The following AP3B1 variants were observed in gnomAD, a reference collection of about 807,000 sequenced individuals.
The protein encoded by AP3B1 is adaptor related protein complex 3 subunit beta 1.
Under a neutral mutation model 132.5 loss-of-function variants are expected in AP3B1, and 61 were observed. That is an observed-to-expected ratio of 0.46 (90% confidence interval 0.37 to 0.57). The LOEUF (loss-of-function observed/expected upper bound fraction) is 0.57, where lower values mean the gene tolerates loss of function less well. Among genes scored for constraint, AP3B1 ranks in the 20% least tolerant of loss-of-function variants. The pLI, the probability that AP3B1 is intolerant of heterozygous loss-of-function variation, is 0.00. For missense variants in AP3B1, 1,120 were observed against 1,289.4 expected (o/e 0.87, Z 2.01); for synonymous variants, 388 against 438.3 (o/e 0.89, Z 1.43).
At chr5:78,019,943 G>A (rs1747021349) in intron 25 of AP3B1, among the ~76,000 whole-genome samples, 1 of 151,970 alleles carries the variant, frequency 6.6e-6, no homozygotes, top group African/African-American at 2.4e-5. Flanking sequence ...AAAAACTGCT[G>A]ACTATAGCAT....
chr5:78,176,300 G>T (rs1429819081), intron 9 of AP3B1, among the ~76,000 whole-genome samples: 2 of 151,148 alleles, frequency 1.3e-5, no homozygotes, highest in African/African-American at 4.9e-5. Context: ...TCATGTGAAA[G>T]ACCAATTCCA....
intron 22 of AP3B1, among the ~76,000 whole-genome samples, chr5:78,065,247 C>T (rs1292471397): frequency 1.3e-5 from 2 of 152,200 alleles, no homozygotes; most frequent in Admixed American, 6.5e-5. Context: ...GTCCCAAGCA[C>T]AGCTGTGCAG....
chr5:78,144,902 T>A (rs985173950), intron 14 of AP3B1, among the ~76,000 whole-genome samples: 10 of 152,020 alleles, frequency 6.6e-5, no homozygotes, highest in African/African-American at 1.9e-4. Flanking sequence ...GGTGCAATCA[T>A]TGCTCACTAC....
intron 22 of AP3B1, among the ~76,000 whole-genome samples, chr5:78,054,745 G>A (rs1162857283): frequency 6.6e-6 from 1 of 152,156 alleles, no homozygotes; most frequent in African/African-American, 2.4e-5. Context: ...GATTCCCCTT[G>A]ATGAAGGATG....
At chr5:78,034,466 G>A (rs777067185) in intron 23 of AP3B1, 21 bp from the exon 24 acceptor site, 22 of 1,562,692 alleles carry the variant, frequency 1.4e-5, no homozygotes, top group Non-Finnish European at 1.9e-5. Context: ...AGATAATTTA[G>A]ACATGAAAAC....
In AP3B1 at chr5:78,175,692, C is replaced by CCTT; in HGVS notation, c.1100_1101insAAG (p.Met367delinsIleArg). ...AGAAACTCTTCAGATAAGGTTCAAACATCCCCTGGATTACAAAAATAAATA... is the reference window on the plus strand; with the variant it reads ...AGAAACTCTTCAGATAAGGTTCAAACCTTATCCCCTGGATTACAAAAATAAATA... On this transcript the variant is annotated protein_altering_variant, in exon 11 of 27. Transcript: ENST00000255194. The CCTT allele has an allele frequency of 6.2e-7, 1 of 1,613,300 alleles. No homozygotes were observed. The highest frequency in any genetic ancestry group is 8.5e-7 in the Non-Finnish European group (1 of 1,179,428).
rs927625694 is a variant in AP3B1 at position 78,232,084 on chromosome 5, C to T, written c.280-3845G>A. Among the ~76,000 whole-genome samples, 12 of 152,156 alleles carry T rather than the reference C, an allele frequency of 7.9e-5. No individual in the cohort carries two copies. The East Asian group carries it at 1.5e-3, about 20-fold the overall frequency. The stretch of plus-strand genomic sequence containing the variant: ...AAAGGAATATTAATTACTTTGGGGT[C>T]AGATAAAACAATAAAGATATTTCAC... On this transcript the variant is annotated intron_variant, in intron 3 of 26. Transcript: ENST00000255194.
chr5:78,269,999 G>A (rs988989579), intron 1 of AP3B1, among the ~76,000 whole-genome samples: 4 of 151,464 alleles, frequency 2.6e-5, no homozygotes, highest in Admixed American at 2.0e-4. Flanking sequence ...CGCAACCTCC[G>A]CCTCCTGGAT....
intron 22 of AP3B1, among the ~76,000 whole-genome samples, chr5:78,083,494 C>A (rs938811843): frequency 2.6e-5 from 4 of 152,084 alleles, no homozygotes; most frequent in Non-Finnish European, 5.9e-5. Flanking sequence ...CTGCAAGAAG[C>A]ATACATTTTA....
chr5:78,106,919 T>C (rs899103407), intron 20 of AP3B1, among the ~76,000 whole-genome samples: 3 of 152,092 alleles, frequency 2.0e-5, no homozygotes, highest in Non-Finnish European at 4.4e-5. Flanking sequence ...TTGGTATGAA[T>C]TTGGGAAGAA....
intron 21 of AP3B1, among the ~76,000 whole-genome samples, chr5:78,094,940 C>T (rs1162165530): frequency 6.6e-6 from 1 of 152,174 alleles, no homozygotes; most frequent in African/African-American, 2.4e-5. Flanking sequence ...CTCGGCCTCC[C>T]AAAGTGCTGG....
intron 22 of AP3B1, among the ~76,000 whole-genome samples, chr5:78,063,993 G>T (rs190260091): frequency 1.5e-3 from 234 of 151,420 alleles, no homozygotes; most frequent in African/African-American, 5.6e-3. Flanking sequence ...TGGATTTAAG[G>T]TATAAACATA....
At chr5:78,092,369 G>A (rs1182303349) in intron 21 of AP3B1, among the ~76,000 whole-genome samples, 1 of 152,252 alleles carries the variant, frequency 6.6e-6, no homozygotes, top group Middle Eastern at 3.4e-3. Context: ...CTGTTTGCAG[G>A]TATGGCAAGA....
rs146808840 is a variant in AP3B1, at chr5:78,239,997, A to G, written c.279+865T>C. Among the ~76,000 whole-genome samples, 181 of 152,304 alleles carry G rather than the reference A, an allele frequency of 1.2e-3. 2 individuals are homozygous for G. The highest frequency in any genetic ancestry group is 4.0e-3 in the East Asian group (21 of 5,186). ...TTCACTACCAAAAAATGACCATACT[A>G]TGCATGGAAAATAAAATCATAACTA... On this transcript the variant is annotated intron_variant, in intron 3 of 26. Coordinates refer to ENST00000255194, the MANE Select transcript of AP3B1 (RefSeq NM_003664.5).
At chr5:78,126,169 T>C (rs1200321354) in intron 17 of AP3B1, among the ~76,000 whole-genome samples, 1 of 151,422 alleles carries the variant, frequency 6.6e-6, no homozygotes, top group Non-Finnish European at 1.5e-5. Context: ...GGAGGAACCA[T>C]AACAAAGAAC....
intron 22 of AP3B1, among the ~76,000 whole-genome samples, chr5:78,075,256 C>A: frequency 6.6e-6 from 1 of 152,192 alleles, no homozygotes; most frequent in Non-Finnish European, 1.5e-5. Context: ...TACAATGCAA[C>A]TAACTTCAAT....
intron 14 of AP3B1, among the ~76,000 whole-genome samples, chr5:78,148,895 G>C (rs572697109): frequency 2.6e-5 from 4 of 152,196 alleles, no homozygotes; most frequent in Admixed American, 2.6e-4. Flanking sequence ...TCACTTCGTA[G>C]GAAGTAACTA....
At position 78,216,075 on chromosome 5, in the gene AP3B1, A is replaced by T; in HGVS notation, c.766T>A (p.Phe256Ile). 6.2e-7 allele frequency: 1 copy of T among 1,613,970 alleles called. No individual in the cohort carries two copies. The highest frequency in any genetic ancestry group is 8.5e-7 in the Non-Finnish European group (1 of 1,179,872). The change falls in exon 7 of 27, where the codon TTT becomes ATT. Residue 256 changes from phenylalanine (F) to isoleucine (I), a missense_variant. Physicochemically the swap from Phe to Ile is conservative, Grantham distance 21 (BLOSUM62 0). Coordinates refer to ENST00000255194, the MANE Select transcript of AP3B1 (RefSeq NM_003664.5). ...CTTACCTCTTTCCAAGGGCTGACAA[A>T]CTGTGTCCGAGCATATCGAGTTAGC... ...HMLTRYARTQ[F>I]VSPWKEGDEL...
At chr5:78,162,998 TA>T (rs1475860754) in intron 12 of AP3B1, 47 bp from the exon 13 acceptor site, 9 of 1,559,148 alleles carry the variant, frequency 5.8e-6, no homozygotes, top group Non-Finnish European at 7.9e-6. Context: ...ATTATTGAGT[TA>T]ACCAAAACTC....
Sources: allele counts gnomAD v4.1 joint callset (sites outside exome capture counted in the v4.1 genomes callset), GRCh38; gene constraint gnomAD v4.1.1; transcripts MANE v1.5; gene names NCBI Gene and HGNC (gene_info 2026-07-23, HGNC 2026-07-21).